Variants in CDH12 observed in about 807,000 individuals in gnomAD.
CDH12 encodes the protein cadherin 12, also known as cadherin-12.
Under a neutral mutation model 74.1 loss-of-function variants are expected in CDH12, and 41 were observed. The ratio of observed to expected loss-of-function variants is 0.55; its 90% CI spans 0.43 to 0.72. The LOEUF (loss-of-function observed/expected upper bound fraction) is 0.72, where lower values mean the gene tolerates loss of function less well. CDH12 is among the 30% of genes least tolerant of loss of function. The pLI is 0.00. For synonymous variants in CDH12, 399 were observed against 355.0 expected (o/e 1.12, Z -1.39); for missense variants, 945 against 977.2 (o/e 0.97, Z 0.44).
intron 2 of CDH12, among the ~76,000 whole-genome samples, chr5:22,488,126 C>G (rs911742991): frequency 6.6e-6 from 1 of 152,178 alleles, no homozygotes; most frequent in Non-Finnish European, 1.5e-5. Context: ...TCCAGTTTAA[C>G]ATGATTTGAC....
intron 1 of CDH12, among the ~76,000 whole-genome samples, chr5:22,694,742 TTTAAA>T (rs1380153584): frequency 3.3e-5 from 5 of 151,942 alleles, no homozygotes; most frequent in Admixed American, 6.6e-5. Context: ...TCAATTTCCT[TTTAAA>T]TTAATGTTTT....
intron 12 of CDH12, among the ~76,000 whole-genome samples, chr5:21,762,626 T>C (rs1359101718): frequency 6.6e-6 from 1 of 152,080 alleles, no homozygotes; most frequent in African/African-American, 2.4e-5. Context: ...ACCCCATAAA[T>C]ATATTTTAGA....
intron 6 of CDH12, among the ~76,000 whole-genome samples, chr5:21,904,116 C>T (rs977143443): frequency 6.6e-6 from 1 of 152,154 alleles, no homozygotes. Flanking sequence ...GTCTGCATTG[C>T]TGATTTCCTG....
chr5:22,467,046 A>G (rs1745763390), intron 2 of CDH12, among the ~76,000 whole-genome samples: 1 of 151,760 alleles, frequency 6.6e-6, no homozygotes, highest in South Asian at 2.1e-4. Context: ...CGGCCTCTCA[A>G]ATTGCTGGGA....
chr5:22,231,629 C>T (rs1232440898), intron 3 of CDH12, among the ~76,000 whole-genome samples: 1 of 151,968 alleles, frequency 6.6e-6, no homozygotes, highest in Non-Finnish European at 1.5e-5. Context: ...ATATTTATCT[C>T]TTCCTCCCTG....
intron 11 of CDH12, among the ~76,000 whole-genome samples, chr5:21,769,009 A>G (rs966974927): frequency 6.6e-6 from 1 of 152,082 alleles, no homozygotes; most frequent in African/African-American, 2.4e-5. Context: ...ACAAGGAAGA[A>G]CAAAATGTTA....
intron 1 of CDH12, among the ~76,000 whole-genome samples, chr5:22,592,527 T>C (rs1291341765): frequency 1.3e-5 from 2 of 152,154 alleles, no homozygotes; most frequent in African/African-American, 4.8e-5. Flanking sequence ...GTTTTCTCTT[T>C]CTCCTCCTAT....
intron 5 of CDH12, among the ~76,000 whole-genome samples, chr5:22,019,920 T>C (rs1430474469): frequency 1.3e-5 from 2 of 152,056 alleles, no homozygotes; most frequent in Non-Finnish European, 2.9e-5. Flanking sequence ...CTGCACTAAG[T>C]CTCAAAGTGT....
intron 8 of CDH12, among the ~76,000 whole-genome samples, chr5:21,841,705 G>T (rs1266737129): frequency 1.3e-5 from 2 of 152,050 alleles, no homozygotes; most frequent in Non-Finnish European, 2.9e-5. Flanking sequence ...CATGTCCTTT[G>T]TCGGGACATG....
intron 1 of CDH12, among the ~76,000 whole-genome samples, chr5:22,698,122 CTTTTTT>C (rs10677695): frequency 1.1e-5 from 1 of 91,200 alleles, no homozygotes; most frequent in African/African-American, 4.3e-5. Context: ...AAAGGCAGGG[CTTTTTT>C]TTTTTTTTTT....
chr5:22,048,559 T>G (rs934651803), intron 5 of CDH12, among the ~76,000 whole-genome samples: 1 of 152,118 alleles, frequency 6.6e-6, no homozygotes, highest in Admixed American at 6.6e-5. Context: ...GTAAAATGAC[T>G]GATATATTGA....
At chr5:22,803,005 C>T (rs572497184) in intron 1 of CDH12, among the ~76,000 whole-genome samples, 4 of 152,192 alleles carry the variant, frequency 2.6e-5, no homozygotes, top group East Asian at 3.9e-4. Context: ...TTAACCAAGC[C>T]TCTAGGTTAC....
chr5:22,124,112 G>A (rs557705550), intron 4 of CDH12, among the ~76,000 whole-genome samples: 24 of 150,942 alleles, frequency 1.6e-4, no homozygotes, highest in Admixed American at 5.9e-4. Context: ...GGATTACAGC[G>A]CGCGCCAACA....
intron 1 of CDH12, among the ~76,000 whole-genome samples, chr5:22,804,587 C>G (rs1212973950): frequency 6.6e-6 from 1 of 152,148 alleles, no homozygotes; most frequent in Non-Finnish European, 1.5e-5. Flanking sequence ...AGGTAGACCA[C>G]CTTCTCTGGG....
intron 2 of CDH12, among the ~76,000 whole-genome samples, chr5:22,470,082 G>C (rs991379670): frequency 3.9e-5 from 6 of 152,160 alleles, no homozygotes; most frequent in Non-Finnish European, 8.8e-5. Context: ...GCAGCCTTCT[G>C]GTGTAGAAAC....
At chr5:22,725,790 T>C (rs1282427908) in intron 1 of CDH12, among the ~76,000 whole-genome samples, 1 of 151,786 alleles carries the variant, frequency 6.6e-6, no homozygotes, top group Non-Finnish European at 1.5e-5. Context: ...AGATGCATAT[T>C]CTTTTAAGGT....
At chr5:22,753,832 C>T (rs1185840170) in intron 1 of CDH12, among the ~76,000 whole-genome samples, 2 of 151,916 alleles carry the variant, frequency 1.3e-5, no homozygotes, top group Non-Finnish European at 1.5e-5. Context: ...TTCCTTAGTT[C>T]TTAAAAATTT....
chr5:22,816,227 C>G (rs1749387587), intron 1 of CDH12, among the ~76,000 whole-genome samples: 1 of 152,038 alleles, frequency 6.6e-6, no homozygotes, highest in South Asian at 2.1e-4. Flanking sequence ...ATTTTTACTT[C>G]TTTGTGAAAA....
rs558066116 is a variant in CDH12 at position 22,074,712 on chromosome 5, CTCA to C, written c.231+3731_231+3733del. Reference sequence around the variant, plus strand: ...CAGCCAAAAGACACATGAAAAAATGCTCATCATCACTGGCCATCAGAGAAATGC... The same window carrying C: ...CAGCCAAAAGACACATGAAAAAATGCTCATCACTGGCCATCAGAGAAATGC... On this transcript the variant is annotated intron_variant, in intron 5 of 14. Coordinates refer to ENST00000382254, the MANE Select transcript of CDH12 (RefSeq NM_004061.5). Among the ~76,000 whole-genome samples, 26 of 152,210 alleles carry C rather than the reference CTCA, an allele frequency of 1.7e-4. 2 individuals are homozygous for C. The South Asian group carries it at 5.4e-3, about 32-fold the overall frequency.
Sources: allele counts gnomAD v4.1 joint callset (sites outside exome capture counted in the v4.1 genomes callset), GRCh38; gene constraint gnomAD v4.1.1; transcripts MANE v1.5; gene names NCBI Gene and HGNC (gene_info 2026-07-23, HGNC 2026-07-21).